The following LAMA2 variants were observed in gnomAD, a reference collection of about 807,000 sequenced individuals.
LAMA2 encodes laminin subunit alpha 2, also known as laminin subunit alpha-2.
A neutral mutation model predicts 364.8 loss-of-function variants in LAMA2; 269 were observed. The ratio of observed to expected loss-of-function variants is 0.74; its 90% CI spans 0.67 to 0.82. LAMA2 has a LOEUF of 0.82. Ranked by LOEUF, LAMA2 falls within the 40% of genes least tolerant of loss-of-function variation. The pLI is 0.00. For synonymous variants in LAMA2, 1,379 were observed against 1,370.6 expected (o/e 1.01, Z -0.14); for missense variants, 3,807 against 3,873.2 (o/e 0.98, Z 0.45).
chr6:129,139,616 T>C (rs77912118), intron 4 of LAMA2, among the ~76,000 whole-genome samples: 5,468 of 152,136 alleles, frequency 0.036, 331 homozygotes, highest in African/African-American at 0.12. Context: ...CCTGAAACTA[T>C]AACTGATGAG....
At chr6:129,167,691 T>C (rs1029221624) in intron 9 of LAMA2, among the ~76,000 whole-genome samples, 2 of 152,200 alleles carry the variant, frequency 1.3e-5, no homozygotes, top group Admixed American at 1.3e-4. Flanking sequence ...ATGGGATGGC[T>C]GGGTCAAAGG....
intron 12 of LAMA2, among the ~76,000 whole-genome samples, chr6:129,218,957 T>C (rs1783609541): frequency 6.6e-6 from 1 of 152,174 alleles, no homozygotes; most frequent in Non-Finnish European, 1.5e-5. Flanking sequence ...AAAGTACCCA[T>C]GTATCACCAA....
intron 32 of LAMA2, among the ~76,000 whole-genome samples, chr6:129,364,803 G>A (rs1777664550): frequency 6.6e-6 from 1 of 152,184 alleles, no homozygotes; most frequent in Admixed American, 6.5e-5. Context: ...AAGAAAAGAG[G>A]TATAATTGGC....
intron 8 of LAMA2, among the ~76,000 whole-genome samples, chr6:129,156,955 T>C (rs1247814830): frequency 1.3e-5 from 2 of 152,054 alleles, no homozygotes; most frequent in African/African-American, 4.8e-5. Flanking sequence ...TTTCTTCTAA[T>C]TCAAATGGCA....
At chr6:129,372,689 G>A (rs1368446489) in intron 34 of LAMA2, among the ~76,000 whole-genome samples, 3 of 152,188 alleles carry the variant, frequency 2.0e-5, no homozygotes, top group Non-Finnish European at 4.4e-5. Flanking sequence ...GGATGGTATG[G>A]TAAGAGTATA....
intron 3 of LAMA2, among the ~76,000 whole-genome samples, chr6:129,072,081 AG>A (rs1383433690): frequency 6.6e-6 from 1 of 152,126 alleles, no homozygotes; most frequent in African/African-American, 2.4e-5. Flanking sequence ...CAGGAGGTAG[AG>A]GTTGTGGTGA....
chr6:129,045,968 G>T (rs1251589828), intron 1 of LAMA2, among the ~76,000 whole-genome samples: 1 of 152,206 alleles, frequency 6.6e-6, no homozygotes, highest in Non-Finnish European at 1.5e-5. Flanking sequence ...CAATGCCCTG[G>T]TGAAGTTTTA....
chr6:128,974,998 C>T (rs1456785000), intron 1 of LAMA2, among the ~76,000 whole-genome samples: 1 of 151,752 alleles, frequency 6.6e-6, no homozygotes, highest in Non-Finnish European at 1.5e-5. Flanking sequence ...ACTACAGGCG[C>T]CCACCACCAT....
chr6:129,502,742 T>C lies in LAMA2; in HGVS notation c.8328T>C (p.Ile2776=), dbSNP rs2114888987. 1 of 1,613,038 alleles carries C rather than the reference T, an allele frequency of 6.2e-7. No homozygotes were observed. The highest frequency in any genetic ancestry group is 8.5e-7 in the Non-Finnish European group (1 of 1,179,098). ...FGLSRNSHIA[I]AFDDTKVKNR... is the part of the protein sequence containing the mutation. The stretch of plus-strand genomic sequence containing the variant: ...TTTCAAGAAACAGTCACATTGCAAT[T>C]GCATTTGATGACACCAAAGTTAAAA... Residue 2776 remains isoleucine, a synonymous_variant, in exon 59 of 65, where the codon ATT becomes ATC. Coordinates refer to ENST00000421865, the MANE Select transcript of LAMA2 (RefSeq NM_000426.4).
At chr6:128,928,072 C>A (rs187366891) in intron 1 of LAMA2, among the ~76,000 whole-genome samples, 17 of 152,312 alleles carry the variant, frequency 1.1e-4, no homozygotes, top group African/African-American at 4.1e-4. Flanking sequence ...AATGTACATT[C>A]AGCATAGTGA....
At chr6:128,984,055 C>A (rs993457635) in intron 1 of LAMA2, among the ~76,000 whole-genome samples, 1 of 152,114 alleles carries the variant, frequency 6.6e-6, no homozygotes, top group Non-Finnish European at 1.5e-5. Context: ...ACCATTGTAT[C>A]CCCCAGTGCT....
At chr6:129,017,161 T>A (rs567386451) in intron 1 of LAMA2, among the ~76,000 whole-genome samples, 1 of 152,128 alleles carries the variant, frequency 6.6e-6, no homozygotes, top group African/African-American at 2.4e-5. Flanking sequence ...TTCCAATATA[T>A]TGACCATAAG....
chr6:129,258,208 C>T (rs1197545982), intron 14 of LAMA2, among the ~76,000 whole-genome samples: 4 of 151,944 alleles, frequency 2.6e-5, no homozygotes, highest in African/African-American at 2.4e-5. Flanking sequence ...TTCAAAACCC[C>T]GTTGTGTTAA....
At chr6:129,329,505 G>T (rs973405657) in intron 29 of LAMA2, among the ~76,000 whole-genome samples, 5 of 152,096 alleles carry the variant, frequency 3.3e-5, no homozygotes, top group African/African-American at 1.2e-4. Context: ...GGGACTACAG[G>T]CTCACGCCAC....
At position 129,098,395 on chromosome 6, in the gene LAMA2, C is replaced by A. The variant is rs775513594; in HGVS notation, c.619C>A (p.His207Asn). ...CTGCACTTCATTTTACTCCAAGATA[C>A]ACCCCTTAGAAAATGGAGAGGTAAG... ...VICTSFYSKIHPLENGEIHIS... is the reference protein window; with the variant it reads ...VICTSFYSKINPLENGEIHIS... The change falls in exon 4 of 65, where the codon CAC becomes AAC. Residue 207 changes from histidine to asparagine, a missense_variant. His to Asn is a moderately conservative substitution (Grantham distance 68, BLOSUM62 1). Transcript: ENST00000421865. 2 of 1,614,000 alleles carry A rather than the reference C, an allele frequency of 1.2e-6. No individual in the cohort carries two copies. Among genetic ancestry groups the A allele is most frequent in the African/African-American group, 1.3e-5 (1 of 75,024 alleles).
chr6:128,993,752 G>C (rs1783753647), intron 1 of LAMA2, among the ~76,000 whole-genome samples: 1 of 152,122 alleles, frequency 6.6e-6, no homozygotes, highest in African/African-American at 2.4e-5. Context: ...AGAGATCTAT[G>C]AAAGAAGGGA....
chr6:129,071,547 A>G (rs777024162), intron 3 of LAMA2, among the ~76,000 whole-genome samples: 1 of 151,944 alleles, frequency 6.6e-6, no homozygotes, highest in African/African-American at 2.4e-5. Context: ...AACGCCTACA[A>G]TTTGCCTCTA....
intron 12 of LAMA2, among the ~76,000 whole-genome samples, chr6:129,202,364 C>T (rs1312625851): frequency 6.6e-6 from 1 of 151,888 alleles, no homozygotes; most frequent in Admixed American, 6.6e-5. Flanking sequence ...AGAGGTGGGG[C>T]TTTTGGGGGA....
intron 1 of LAMA2, among the ~76,000 whole-genome samples, chr6:129,007,878 C>T (rs1328209102): frequency 6.6e-6 from 1 of 152,158 alleles, no homozygotes; most frequent in Non-Finnish European, 1.5e-5. Flanking sequence ...GTACTTGATT[C>T]ATCAGATGAT....
Sources: gnomAD v4.1 joint callset for allele counts (sites outside exome capture counted in the v4.1 genomes callset) on GRCh38, gnomAD v4.1.1 for gene constraint, MANE v1.5 for transcripts, NCBI Gene and HGNC (gene_info 2026-07-23, HGNC 2026-07-21) for gene names.